The following FERRY3 variants were observed in gnomAD, a reference collection of about 807,000 sequenced individuals.
FERRY3 encodes the protein protein C12orf4.
chr12:4,533,671 C>T, the FERRY3 span, among the ~76,000 whole-genome samples: 1 of 152,100 alleles, frequency 6.6e-6, no homozygotes, highest in Non-Finnish European at 1.5e-5. Context: ...GATGTGACTA[C>T]ACAACAATAA....
chr12:4,495,672 A>G, the FERRY3 span, among the ~76,000 whole-genome samples: 1 of 152,230 alleles, frequency 6.6e-6, no homozygotes, highest in South Asian at 2.1e-4. Flanking sequence ...GTATGACCAA[A>G]AGTAGGTAGG....
the FERRY3 span, chr12:4,489,972 T>A: frequency 3.0e-6 from 3 of 1,014,500 alleles, no homozygotes; most frequent in South Asian, 3.0e-5. Context: ...AGAAGTATTT[T>A]AAAATATGGA....
the FERRY3 span, among the ~76,000 whole-genome samples, chr12:4,492,865 A>C: frequency 9.8e-3 from 1,497 of 152,292 alleles, 25 homozygotes; most frequent in African/African-American, 0.034. Flanking sequence ...TTTACTATTT[A>C]AGGCTACATA....
At chr12:4,494,030 T>C in the FERRY3 span, among the ~76,000 whole-genome samples, 6 of 151,916 alleles carry the variant, frequency 3.9e-5, no homozygotes, top group Admixed American at 6.6e-5. Context: ...AAGACGGAGG[T>C]TGCAGTGAGC....
chr12:4,527,227 A>G, the FERRY3 span, among the ~76,000 whole-genome samples: 1 of 152,212 alleles, frequency 6.6e-6, no homozygotes, highest in African/African-American at 2.4e-5. Flanking sequence ...TTGCTTAAAA[A>G]AAGAGCACAT....
the FERRY3 span, among the ~76,000 whole-genome samples, chr12:4,514,687 T>C: frequency 5.0e-5 from 7 of 141,102 alleles, no homozygotes; most frequent in East Asian, 6.3e-4. Flanking sequence ...TAGGTGGGAA[T>C]TGAACAATGA....
the FERRY3 span, chr12:4,499,999 G>C: frequency 1.4e-6 from 1 of 738,066 alleles, no homozygotes; most frequent in Non-Finnish European, 2.2e-6. Flanking sequence ...TATTTCACTC[G>C]ATTCTACTAA....
the FERRY3 span, among the ~76,000 whole-genome samples, chr12:4,514,469 C>CACAATACGAAGACTT: frequency 1.3e-5 from 2 of 152,134 alleles, no homozygotes; most frequent in African/African-American, 4.8e-5. Context: ...CGGCATTATT[C>CACAATACGAAGACTT]ACAATACGAA....
At chr12:4,530,615 A>G in the FERRY3 span, among the ~76,000 whole-genome samples, 1 of 152,232 alleles carries the variant, frequency 6.6e-6, no homozygotes, top group South Asian at 2.1e-4. Context: ...CTATATCAAG[A>G]TAAATGTGTA....
chr12:4,516,748 G>A, the FERRY3 span, among the ~76,000 whole-genome samples: 2 of 152,192 alleles, frequency 1.3e-5, no homozygotes, highest in Middle Eastern at 3.4e-3. Flanking sequence ...GGTAATAGAC[G>A]ATGGGCTTAA....
the FERRY3 span, among the ~76,000 whole-genome samples, chr12:4,522,511 A>G: frequency 6.6e-6 from 1 of 152,224 alleles, no homozygotes; most frequent in Non-Finnish European, 1.5e-5. Context: ...CTAAATAGCA[A>G]TATTGAGTGC....
the FERRY3 span, among the ~76,000 whole-genome samples, chr12:4,494,763 C>T: frequency 6.6e-6 from 1 of 152,144 alleles, no homozygotes; most frequent in Admixed American, 6.6e-5. Flanking sequence ...AGTGTAAGTT[C>T]TTTAACTTTG....
At chr12:4,490,944 C>T in the FERRY3 span, among the ~76,000 whole-genome samples, 2 of 151,952 alleles carry the variant, frequency 1.3e-5, no homozygotes, top group Admixed American at 6.6e-5. Context: ...GGCAGCAGAA[C>T]AAAATGTAAA....
At chr12:4,499,856 G>A in the FERRY3 span, among the ~76,000 whole-genome samples, 2 of 152,134 alleles carry the variant, frequency 1.3e-5, no homozygotes, top group Non-Finnish European at 2.9e-5. Context: ...AAAAAAAGGA[G>A]GAGAAAGAGG....
At chr12:4,507,349 T>C in the FERRY3 span, among the ~76,000 whole-genome samples, 1 of 152,178 alleles carries the variant, frequency 6.6e-6, no homozygotes, top group Non-Finnish European at 1.5e-5. Flanking sequence ...TGAAAGGTTT[T>C]GTTAGGATAT....
the FERRY3 span, among the ~76,000 whole-genome samples, chr12:4,531,641 G>A: frequency 6.6e-6 from 1 of 152,224 alleles, no homozygotes; most frequent in African/African-American, 2.4e-5. Flanking sequence ...GCGATTCAAT[G>A]TCCAGGCCAT....
At chr12:4,492,609 C>T in the FERRY3 span, among the ~76,000 whole-genome samples, 3,521 of 152,110 alleles carry the variant, frequency 0.023, 140 homozygotes, top group African/African-American at 0.08. Flanking sequence ...CATGACATTT[C>T]CCCCCCTCTG....
the FERRY3 span, among the ~76,000 whole-genome samples, chr12:4,527,815 G>C: frequency 6.6e-6 from 1 of 150,410 alleles, no homozygotes; most frequent in Non-Finnish European, 1.5e-5. Context: ...TGTTTAGAAA[G>C]AAAAAAGAAG....
chr12:4,530,024 T>C, the FERRY3 span: 1 of 1,613,020 alleles, frequency 6.2e-7, no homozygotes, highest in Non-Finnish European at 8.5e-7. Context: ...AGCTGGGTTC[T>C]TCAGGCCTTG....
Sources: gnomAD v4.1 joint callset for allele counts (sites outside exome capture counted in the v4.1 genomes callset) on GRCh38, gnomAD v4.1.1 for gene constraint, MANE v1.5 for transcripts, NCBI Gene and HGNC (gene_info 2026-07-23, HGNC 2026-07-21) for gene names.